Variants in THSD7B observed in about 807,000 individuals in gnomAD.
THSD7B encodes thrombospondin type 1 domain containing 7B.
THSD7B carries 138 observed loss-of-function variants against 213.6 expected under a neutral mutation model. The ratio of observed to expected loss-of-function variants is 0.65; its 90% confidence interval spans 0.56 to 0.74. The LOEUF is 0.74. THSD7B is among the 30% of genes least tolerant of loss of function. The probability of loss-of-function intolerance (pLI) is 0.00; values close to 1 mark genes in which losing one functional copy is unlikely to be tolerated. For missense variants in THSD7B, 1,931 were observed against 1,991.5 expected (o/e 0.97, Z 0.58); for synonymous variants, 742 against 687.0 (o/e 1.08, Z -1.25).
intron 15 of THSD7B, among the ~76,000 whole-genome samples, chr2:137,519,913 C>A (rs1193050921): frequency 6.6e-6 from 1 of 152,130 alleles, no homozygotes; most frequent in Admixed American, 6.5e-5. Flanking sequence ...ATGAGTGAAT[C>A]GCAGCAAGAG....
intron 7 of THSD7B, among the ~76,000 whole-genome samples, chr2:137,216,571 T>C (rs908875064): frequency 3.3e-5 from 5 of 152,128 alleles, no homozygotes. Context: ...AAACATGGTA[T>C]GATTACTTCT....
At chr2:137,275,777 C>T (rs950350454) in intron 11 of THSD7B, 146 bp from the exon 12 acceptor site, 4 of 579,626 alleles carry the variant, frequency 6.9e-6, no homozygotes, top group African/African-American at 1.9e-5. Context: ...TAGTGCTTGC[C>T]AAGGCTTGGT....
chr2:137,429,682 T>A (rs1687133388), intron 14 of THSD7B, among the ~76,000 whole-genome samples: 2 of 152,178 alleles, frequency 1.3e-5, no homozygotes, highest in African/African-American at 4.8e-5. Context: ...TAGAGGAATA[T>A]TTAATCTGAG....
chr2:137,519,251 A>AAAATAAATAAATTAAAT (rs1680133639), intron 15 of THSD7B, among the ~76,000 whole-genome samples: 1 of 149,134 alleles, frequency 6.7e-6, no homozygotes, highest in South Asian at 2.1e-4. Flanking sequence ...ACTCCATCTC[A>AAAATAAATAAATTAAAT]AAATAAATAA....
chr2:137,020,143 G>A (rs1686415671), intron 2 of THSD7B, among the ~76,000 whole-genome samples: 1 of 152,180 alleles, frequency 6.6e-6, no homozygotes, highest in Non-Finnish European at 1.5e-5. Flanking sequence ...TTTCCAGGCA[G>A]TGTGGTTCTA....
At chr2:137,214,606 C>T (rs1573890844) in intron 7 of THSD7B, among the ~76,000 whole-genome samples, 1 of 151,764 alleles carries the variant, frequency 6.6e-6, no homozygotes, top group African/African-American at 2.4e-5. Flanking sequence ...TGACAGGCCC[C>T]GGTGTGTGAT....
At chr2:137,410,451 C>T (rs1392441470) in intron 13 of THSD7B, among the ~76,000 whole-genome samples, 1 of 151,756 alleles carries the variant, frequency 6.6e-6, no homozygotes, top group Non-Finnish European at 1.5e-5. Flanking sequence ...GTATTTTTAG[C>T]AGAGATGGGG....
intron 12 of THSD7B, among the ~76,000 whole-genome samples, chr2:137,345,168 A>G (rs1008964480): frequency 3.3e-5 from 5 of 151,732 alleles, no homozygotes; most frequent in African/African-American, 1.2e-4. Flanking sequence ...AACAGAAGCA[A>G]ATGTTGTTAG....
At chr2:137,186,444 G>A (rs1680552845) in intron 7 of THSD7B, among the ~76,000 whole-genome samples, 1 of 151,986 alleles carries the variant, frequency 6.6e-6, no homozygotes, top group Non-Finnish European at 1.5e-5. Context: ...TTCCGCAAAT[G>A]GCTAGACAGT....
intron 4 of THSD7B, among the ~76,000 whole-genome samples, chr2:137,110,837 A>G (rs1287628603): frequency 6.6e-6 from 1 of 152,094 alleles, no homozygotes; most frequent in Non-Finnish European, 1.5e-5. Context: ...CTTTATTTTT[A>G]CTGTACCTTG....
At chr2:137,647,340 T>C (rs866346741) in intron 21 of THSD7B, among the ~76,000 whole-genome samples, 1 of 151,960 alleles carries the variant, frequency 6.6e-6, no homozygotes, top group African/African-American at 2.4e-5. Context: ...GCATGTAGCA[T>C]ACCTGACTGC....
At chr2:137,224,322 C>T (rs1312440969) in intron 7 of THSD7B, among the ~76,000 whole-genome samples, 5 of 152,128 alleles carry the variant, frequency 3.3e-5, no homozygotes, top group African/African-American at 4.8e-5. Flanking sequence ...GAGAATAGAA[C>T]GCTTGAGTAT....
At chr2:137,505,555 C>A (rs1329192098) in intron 15 of THSD7B, among the ~76,000 whole-genome samples, 1 of 152,234 alleles carries the variant, frequency 6.6e-6, no homozygotes, top group African/African-American at 2.4e-5. Flanking sequence ...GATGACTGCT[C>A]TGTGCCACGT....
intron 2 of THSD7B, among the ~76,000 whole-genome samples, chr2:137,019,279 A>G (rs1049170533): frequency 6.6e-6 from 1 of 152,172 alleles, no homozygotes; most frequent in Non-Finnish European, 1.5e-5. Context: ...TCTCTCTGCC[A>G]TTCTACTGAA....
At chr2:137,512,645 C>T (rs1679990915) in intron 15 of THSD7B, among the ~76,000 whole-genome samples, 1 of 151,928 alleles carries the variant, frequency 6.6e-6, no homozygotes, top group Non-Finnish European at 1.5e-5. Context: ...CTGTCTGCCT[C>T]AGCCTCCTGA....
intron 14 of THSD7B, among the ~76,000 whole-genome samples, chr2:137,443,645 C>T (rs552571575): frequency 6.2e-4 from 94 of 152,100 alleles, no homozygotes; most frequent in Non-Finnish European, 1.2e-3. Context: ...ACTATCTCAA[C>T]CAAGTCTGAG....
intron 12 of THSD7B, among the ~76,000 whole-genome samples, chr2:137,367,810 C>T (rs1431515562): frequency 6.6e-6 from 1 of 152,056 alleles, no homozygotes; most frequent in African/African-American, 2.4e-5. Flanking sequence ...AAAGAGTGAG[C>T]ATGAGAGAAT....
intron 5 of THSD7B, among the ~76,000 whole-genome samples, chr2:137,132,494 T>G (rs1242479189): frequency 1.3e-5 from 2 of 152,188 alleles, no homozygotes; most frequent in African/African-American, 4.8e-5. Context: ...GAGTTCACAT[T>G]ACATATTATC....
chr2:137,230,460 G>A (rs1167368484), intron 7 of THSD7B, among the ~76,000 whole-genome samples: 1 of 152,094 alleles, frequency 6.6e-6, no homozygotes, highest in Non-Finnish European at 1.5e-5. Flanking sequence ...ATGTATTAGG[G>A]AGAACTTCAG....
Sources: allele counts gnomAD v4.1 joint callset (sites outside exome capture counted in the v4.1 genomes callset), GRCh38; gene constraint gnomAD v4.1.1; transcripts MANE v1.5; gene names NCBI Gene and HGNC (gene_info 2026-07-23, HGNC 2026-07-21).